MARK3: variants seen among roughly 807,000 people sequenced by gnomAD.
The protein encoded by MARK3 is MAP/microtubule affinity-regulating kinase 3.
MARK3 carries 46 observed loss-of-function variants against 90.1 expected under a neutral mutation model. The ratio of observed to expected loss-of-function variants is 0.51; its 90% CI spans 0.40 to 0.65. MARK3 has a LOEUF of 0.65. Among genes scored for constraint, MARK3 ranks in the 30% least tolerant of loss-of-function variants. The pLI is 0.00. For synonymous variants in MARK3, 321 were observed against 332.6 expected, an observed-to-expected ratio of 0.97 and a Z score of 0.38; for missense variants, 818 against 947.2, an observed-to-expected ratio of 0.86 and a Z score of 1.79.
intron 4 of MARK3, among the ~76,000 whole-genome samples, chr14:103,449,606 G>A (rs549163972): frequency 1.9e-4 from 29 of 152,222 alleles, no homozygotes; most frequent in South Asian, 4.2e-4. Context: ...TCCTCTGTGT[G>A]CACAACTCTG....
intron 7 of MARK3, among the ~76,000 whole-genome samples, chr14:103,462,689 G>T (rs1230592444): frequency 6.6e-6 from 1 of 152,134 alleles, no homozygotes; most frequent in Non-Finnish European, 1.5e-5. Flanking sequence ...GTTGATCTCT[G>T]GAGAACAGTC....
At chr14:103,479,105 C>T (rs933453840) in intron 13 of MARK3, among the ~76,000 whole-genome samples, 2 of 152,202 alleles carry the variant, frequency 1.3e-5, no homozygotes, top group Non-Finnish European at 1.5e-5. Flanking sequence ...ATTGCAACTT[C>T]GACCTCCCAG....
chr14:103,394,091 T>C (rs1051474641), intron 1 of MARK3, among the ~76,000 whole-genome samples: 2 of 152,198 alleles, frequency 1.3e-5, no homozygotes, highest in African/African-American at 4.8e-5. Flanking sequence ...TTTCCTGGGC[T>C]GGAACAAATT....
intron 14 of MARK3, among the ~76,000 whole-genome samples, chr14:103,488,699 T>G (rs2093971659): frequency 6.6e-6 from 1 of 151,822 alleles, no homozygotes; most frequent in African/African-American, 2.4e-5. Context: ...TACAAAAAAT[T>G]TAAAAATTAG....
Position 103,503,298 on chromosome 14 carries a change from T to G in MARK3, c.*71T>G. On this transcript the variant is annotated 3_prime_UTR_variant, in exon 18 of 18. Transcript: ENST00000429436. ...TGAACACTGATGGAAATGTATAGAA[T>G]AATATTTAGGCAATAACGTCTGCAT... 1 of 1,284,310 alleles carries G rather than the reference T, an allele frequency of 7.8e-7. No individual in the cohort carries two copies. The highest frequency in any genetic ancestry group is 1.1e-6 in the Non-Finnish European group (1 of 919,454). 79.6% of individuals were successfully genotyped at this position (1,284,310 alleles called of 1,614,324 possible).
intron 14 of MARK3, among the ~76,000 whole-genome samples, chr14:103,484,945 C>T (rs2093896794): frequency 1.3e-5 from 2 of 150,606 alleles, no homozygotes; most frequent in Admixed American, 6.7e-5. Flanking sequence ...GGGCTGAGCA[C>T]AGTGGCTTAC....
rs189374462 is a variant in MARK3, at chr14:103,496,030, G to A, written c.1845-2472G>A. Reference sequence around the variant, plus strand: ...GGAGAGCTATGGGCTATTTGTAGTCGGGAGCAAAACTCTCTCTCCTTAGGA... The same window carrying A: ...GGAGAGCTATGGGCTATTTGTAGTCAGGAGCAAAACTCTCTCTCCTTAGGA... On this transcript the variant is annotated intron_variant, in intron 15 of 17. Transcript: ENST00000429436. 4.6e-5 allele frequency among the ~76,000 whole-genome samples: 7 copies of A among 152,212 alleles called. No individual in the cohort carries two copies. In the East Asian group the frequency reaches 5.8e-4, roughly 13 times the overall value.
chr14:103,427,880 GGGTC>G (rs2092462205), intron 2 of MARK3, among the ~76,000 whole-genome samples: 1 of 152,138 alleles, frequency 6.6e-6, no homozygotes, highest in African/African-American at 2.4e-5. Flanking sequence ...TCTATCAGCA[GGGTC>G]TTTGTGACCT....
At chr14:103,441,359 A>G (rs1468876056) in intron 3 of MARK3, 1 of 152,068 alleles carries the variant, frequency 6.6e-6, no homozygotes, top group Non-Finnish European at 1.5e-5. Flanking sequence ...ATCTCGGCTC[A>G]CTGCAAGCTT....
chr14:103,469,835 T>C (rs2093590921), intron 12 of MARK3, among the ~76,000 whole-genome samples: 1 of 151,628 alleles, frequency 6.6e-6, no homozygotes, highest in South Asian at 2.1e-4. Flanking sequence ...GGCCGAGGCG[T>C]GTGGATCACT....
intron 6 of MARK3, among the ~76,000 whole-genome samples, chr14:103,460,071 A>ATATTTTTTTT (rs1566882596): frequency 2.2e-5 from 1 of 45,580 alleles, no homozygotes. Flanking sequence ...TTCCAGCTCC[A>ATATTTTTTTT]TCTTTTTTTT....
rs2089740513 is a variant in MARK3, at chr14:103,385,810, C to T, written c.-220C>T. The T allele has an allele frequency of 9.1e-6, 4 of 438,096 alleles. No individual in the cohort carries two copies. The highest frequency in any genetic ancestry group is 9.9e-5 in the South Asian group (2 of 20,112). The allele number at this position is 438,096 out of a possible 1,614,324, so 27.1% of individuals were successfully genotyped here. ...GCCACTGCCGCCCTCCCGGTCTCCT[C>T]GCCTCGGCCGCCGAGGCAGGGAGAG... On this transcript the variant is annotated 5_prime_UTR_variant, in exon 1 of 18. Transcript: ENST00000429436.
At chr14:103,478,177 C>T (rs1448784328) in intron 13 of MARK3, among the ~76,000 whole-genome samples, 1 of 151,800 alleles carries the variant, frequency 6.6e-6, no homozygotes, top group Admixed American at 6.6e-5. Context: ...CACCTGTAAT[C>T]CCAGCTACTC....
intron 2 of MARK3, among the ~76,000 whole-genome samples, chr14:103,425,095 C>A (rs1431868694): frequency 6.6e-6 from 1 of 152,130 alleles, no homozygotes; most frequent in East Asian, 1.9e-4. Context: ...CCCATGCCAC[C>A]ATGCCCAGCT....
At chr14:103,443,041 T>C (rs768266869) in intron 3 of MARK3, among the ~76,000 whole-genome samples, 12 of 141,652 alleles carry the variant, frequency 8.5e-5, no homozygotes, top group Non-Finnish European at 1.7e-4. Context: ...CACAGAAAAA[T>C]GAGGGGGAAA....
intron 7 of MARK3, among the ~76,000 whole-genome samples, chr14:103,465,183 G>T (rs1169765529): frequency 1.3e-5 from 2 of 152,138 alleles, no homozygotes; most frequent in Non-Finnish European, 2.9e-5. Context: ...GGCCAGGCTG[G>T]TCTTGAACTC....
intron 14 of MARK3, among the ~76,000 whole-genome samples, chr14:103,485,063 C>CAAAAAAAAAAAAAA (rs34312214): frequency 4.9e-4 from 48 of 97,716 alleles, no homozygotes; most frequent in Non-Finnish European, 5.4e-4. Flanking sequence ...ACTAAAAATA[C>CAAAAAAAAAAAAAA]AAAAAAAAAA....
At chr14:103,390,977 C>T (rs1435078180) in intron 1 of MARK3, among the ~76,000 whole-genome samples, 1 of 152,158 alleles carries the variant, frequency 6.6e-6, no homozygotes, top group East Asian at 1.9e-4. Flanking sequence ...TCCCAAAGCA[C>T]TGGAATTACA....
chr14:103,455,939 A>G (rs1040371688), intron 5 of MARK3, among the ~76,000 whole-genome samples: 1 of 152,198 alleles, frequency 6.6e-6, no homozygotes, highest in Admixed American at 6.5e-5. Flanking sequence ...GTATGAAGTA[A>G]AGATGTTTCC....
Sources: allele counts gnomAD v4.1 joint callset (sites outside exome capture counted in the v4.1 genomes callset), GRCh38; gene constraint gnomAD v4.1.1; transcripts MANE v1.5; gene names NCBI Gene and HGNC (gene_info 2026-07-23, HGNC 2026-07-21).